The following RASGRP3 variants were observed in gnomAD, a reference collection of about 807,000 sequenced individuals.
RASGRP3 encodes RAS guanyl releasing protein 3.
RASGRP3 carries 54 observed loss-of-function variants against 82.7 expected under a neutral mutation model. The observed-to-expected ratio is 0.65, with a 90% CI of 0.52 to 0.82. The LOEUF (loss-of-function observed/expected upper bound fraction) is 0.82. RASGRP3 is among the 40% of genes least tolerant of loss of function. RASGRP3 has a pLI of 0.00. For missense variants in RASGRP3, 861 were observed against 828.9 expected (o/e 1.04, Z -0.48); for synonymous variants, 309 against 300.5 (o/e 1.03, Z -0.29).
intron 1 of RASGRP3, among the ~76,000 whole-genome samples, chr2:33,447,521 C>T (rs1002845695): frequency 2.0e-5 from 3 of 151,696 alleles, no homozygotes; most frequent in Admixed American, 6.6e-5. Context: ...CTGCAACCTT[C>T]GCCTCCTGAA....
chr2:33,561,759 T>C (rs184693480), intron 17 of RASGRP3, among the ~76,000 whole-genome samples: 12 of 152,318 alleles, frequency 7.9e-5, no homozygotes, highest in African/African-American at 2.9e-4. Flanking sequence ...TTGTAATCTG[T>C]GTATTTCCTC....
At position 33,563,924 on chromosome 2, in the gene RASGRP3, G is replaced by GAAAA. The variant is rs1676970129; in HGVS notation, c.*1189_*1192dup. The stretch of plus-strand genomic sequence containing the variant: ...GAGAGAGAACTTGATTCAAGATACT[G>GAAAA]AAAAATAGAGCTGGGACTGAGCCTG... On this transcript the variant is annotated 3_prime_UTR_variant, in exon 18 of 18. Coordinates refer to ENST00000403687, the MANE Select transcript of RASGRP3 (RefSeq NM_001139488.2). The GAAAA allele has an allele frequency of 6.6e-6, 1 of 152,140 alleles. No individual in the cohort carries two copies. The highest frequency in any genetic ancestry group is 2.1e-4 in the South Asian group (1 of 4,826). 9.4% of individuals were successfully genotyped at this position (152,140 alleles called of 1,614,324 possible).
At chr2:33,528,057 T>TGAAACAA (rs1672754695) in intron 10 of RASGRP3, among the ~76,000 whole-genome samples, 1 of 152,220 alleles carries the variant, frequency 6.6e-6, no homozygotes, top group South Asian at 2.1e-4. Flanking sequence ...CCCATCCATG[T>TGAAACAA]GGCAAGTTCA....
Position 33,558,979 on chromosome 2 carries a change from G to A in RASGRP3, c.2013G>A (p.Thr671=), listed in dbSNP as rs370469151. The change falls in exon 17 of 18, where the codon ACG becomes ACA. Residue 671 remains threonine (T), a synonymous_variant. Coordinates refer to ENST00000403687, the MANE Select transcript of RASGRP3 (RefSeq NM_001139488.2). ...GTGTGGATGTTGTAGACCGGGGCAC[G>A]GAGTTTGAACTTGACCAGGATGAAG... is the stretch of plus-strand genomic sequence containing the variant. ...HAGVDVVDRG[T]EFELDQDEGE... is the part of the protein sequence containing the mutation. 35 of 1,613,660 alleles carry A rather than the reference G, an allele frequency of 2.2e-5. No homozygotes were observed. Among genetic ancestry groups the A allele is most frequent in the South Asian group, 1.5e-4 (14 of 91,016 alleles).
At chr2:33,521,366 T>C (rs1354812730) in intron 6 of RASGRP3, among the ~76,000 whole-genome samples, 1 of 152,246 alleles carries the variant, frequency 6.6e-6, no homozygotes, top group Non-Finnish European at 1.5e-5. Flanking sequence ...ATGTCTGTTC[T>C]TGTGTGTTAC....
intron 1 of RASGRP3, among the ~76,000 whole-genome samples, chr2:33,491,002 T>TAA (rs1360170888): frequency 6.6e-6 from 1 of 152,244 alleles, no homozygotes; most frequent in Non-Finnish European, 1.5e-5. Flanking sequence ...TTGTCAGAGT[T>TAA]ACACTTTTAT....
chr2:33,517,850 C>A (rs753487456), intron 4 of RASGRP3, among the ~76,000 whole-genome samples: 8 of 152,130 alleles, frequency 5.3e-5, no homozygotes, highest in Non-Finnish European at 1.0e-4. Context: ...GGCATAGTAA[C>A]GTTTAATGTG....
At chr2:33,560,968 G>A (rs1042871073) in intron 17 of RASGRP3, among the ~76,000 whole-genome samples, 3 of 152,082 alleles carry the variant, frequency 2.0e-5, no homozygotes, top group African/African-American at 7.2e-5. Context: ...ATATAAACAA[G>A]TATCTGGGTT....
At chr2:33,477,817 G>T (rs1283110291) in intron 1 of RASGRP3, among the ~76,000 whole-genome samples, 1 of 152,162 alleles carries the variant, frequency 6.6e-6, no homozygotes. Context: ...AACCAAACAG[G>T]TTCCTGTTTC....
chr2:33,474,783 A>G (rs973356341), upstream of RASGRP3, among the ~76,000 whole-genome samples: 3 of 152,220 alleles, frequency 2.0e-5, no homozygotes, highest in African/African-American at 7.2e-5. Context: ...CTGCAGAACC[A>G]TGAACCAATT....
intron 1 of RASGRP3, among the ~76,000 whole-genome samples, chr2:33,477,728 A>G (rs545619543): frequency 7.2e-5 from 11 of 152,332 alleles, no homozygotes; most frequent in African/African-American, 2.2e-4. Flanking sequence ...AAAGGGGAAA[A>G]GAGAGAGGGC....
At chr2:33,517,168 C>T (rs1444120530) in intron 4 of RASGRP3, among the ~76,000 whole-genome samples, 1 of 152,176 alleles carries the variant, frequency 6.6e-6, no homozygotes, top group East Asian at 1.9e-4. Flanking sequence ...TTTAGATTTT[C>T]TTCTGAAATG....
intron 1 of RASGRP3, among the ~76,000 whole-genome samples, chr2:33,483,246 T>C (rs1348406777): frequency 6.6e-6 from 1 of 152,184 alleles, no homozygotes; most frequent in African/African-American, 2.4e-5. Context: ...GTCTTCTCTA[T>C]TTGTCAAATG....
chr2:33,550,467 T>C (rs1356574392), intron 14 of RASGRP3, among the ~76,000 whole-genome samples: 1 of 152,204 alleles, frequency 6.6e-6, no homozygotes, highest in East Asian at 1.9e-4. Flanking sequence ...AAATTAAGAC[T>C]GCATGCTTCC....
intron 2 of RASGRP3, among the ~76,000 whole-genome samples, chr2:33,468,731 C>T (rs1281369350): frequency 6.6e-6 from 1 of 152,078 alleles, no homozygotes; most frequent in Non-Finnish European, 1.5e-5. Context: ...TGCATAGTGC[C>T]ATATCTTATG....
intron 2 of RASGRP3, among the ~76,000 whole-genome samples, chr2:33,465,816 T>C (rs1001323370): frequency 6.6e-6 from 1 of 152,226 alleles, no homozygotes; most frequent in Non-Finnish European, 1.5e-5. Flanking sequence ...CCAATGCTCA[T>C]TTGCCAATCT....
chr2:33,516,493 A>G, intron 3 of RASGRP3, 49 bp from the exon 4 acceptor site: 1 of 1,291,224 alleles, frequency 7.7e-7, no homozygotes, highest in South Asian at 1.3e-5. Context: ...TAGAAAAAGT[A>G]AAGAATAGCA....
chr2:33,491,191 C>G (rs1014116051), intron 1 of RASGRP3, among the ~76,000 whole-genome samples: 1 of 152,066 alleles, frequency 6.6e-6, no homozygotes. Context: ...GGTGCATTGC[C>G]TATTGTCCCA....
At chr2:33,446,301 C>T (rs1420502936) in intron 1 of RASGRP3, among the ~76,000 whole-genome samples, 6 of 152,118 alleles carry the variant, frequency 3.9e-5, no homozygotes, top group Non-Finnish European at 5.9e-5. Flanking sequence ...GGACTACAGG[C>T]ACCCGCCACC....
Sources: gnomAD v4.1 joint callset for allele counts (sites outside exome capture counted in the v4.1 genomes callset) on GRCh38, gnomAD v4.1.1 for gene constraint, MANE v1.5 for transcripts, NCBI Gene and HGNC (gene_info 2026-07-23, HGNC 2026-07-21) for gene names.